Variants in MAF observed in about 807,000 individuals in gnomAD.
MAF encodes transcription factor Maf.
MAF carries 10 observed loss-of-function variants against 22.0 expected under a neutral mutation model. The observed-to-expected ratio is 0.45, with a 90% CI of 0.28 to 0.77. The LOEUF (loss-of-function observed/expected upper bound fraction) is 0.77, where lower values mean the gene tolerates loss of function less well. Among genes scored for constraint, MAF ranks in the 30% least tolerant of loss-of-function variants. The pLI, the probability that MAF is intolerant of heterozygous loss-of-function variation, is 0.12. For synonymous variants in MAF, 337 were observed against 255.8 expected, an observed-to-expected ratio of 1.32 and a Z score of -3.03; for missense variants, 544 against 548.4, an observed-to-expected ratio of 0.99 and a Z score of 0.08.
At chr16:79,433,571 A>G in the MAF span, among the ~76,000 whole-genome samples, 1 of 152,012 alleles carries the variant, frequency 6.6e-6, no homozygotes, top group East Asian at 1.9e-4. Context: ...GAAGAACTAG[A>G]TGTAAGTCCC....
the MAF span, among the ~76,000 whole-genome samples, chr16:79,561,659 T>C: frequency 0.18 from 27,782 of 152,040 alleles, 2,722 homozygotes; most frequent in Middle Eastern, 0.24. Flanking sequence ...ACTGGAACCT[T>C]CAGGAAAGGG....
chr16:79,453,900 T>A, the MAF span, among the ~76,000 whole-genome samples: 3 of 152,264 alleles, frequency 2.0e-5, no homozygotes, highest in African/African-American at 7.2e-5. Flanking sequence ...ACACACTGAA[T>A]CCAGAGTGAA....
At chr16:79,204,636 A>G in the MAF span, 1 of 152,220 alleles carries the variant, frequency 6.6e-6, no homozygotes, top group Non-Finnish European at 1.5e-5. Flanking sequence ...CAGTTTGTCG[A>G]CTTGGAAACA....
chr16:79,523,165 A>G, the MAF span, among the ~76,000 whole-genome samples: 3 of 152,224 alleles, frequency 2.0e-5, no homozygotes, highest in African/African-American at 7.2e-5. Context: ...TTATGATATG[A>G]GAACATAAGA....
chr16:79,410,818 G>A, the MAF span, among the ~76,000 whole-genome samples: 1 of 152,222 alleles, frequency 6.6e-6, no homozygotes, highest in East Asian at 1.9e-4. Context: ...CAGATGACTT[G>A]TAGGGGCTGG....
chr16:79,283,647 G>T, the MAF span, among the ~76,000 whole-genome samples: 2 of 152,186 alleles, frequency 1.3e-5, no homozygotes, highest in East Asian at 3.8e-4. Context: ...TCTGAAAATT[G>T]TCCAAATATG....
chr16:79,443,111 G>T, the MAF span, among the ~76,000 whole-genome samples: 1 of 152,152 alleles, frequency 6.6e-6, no homozygotes, highest in African/African-American at 2.4e-5. Flanking sequence ...TTCAAATAAA[G>T]ATAATTCTAA....
At chr16:79,282,261 G>C in the MAF span, among the ~76,000 whole-genome samples, 1 of 152,198 alleles carries the variant, frequency 6.6e-6, no homozygotes, top group South Asian at 2.1e-4. Flanking sequence ...GTGGTATTTT[G>C]TAAATATCCA....
the MAF span, among the ~76,000 whole-genome samples, chr16:79,405,001 C>G: frequency 6.6e-6 from 1 of 152,318 alleles, no homozygotes; most frequent in East Asian, 1.9e-4. Flanking sequence ...ACACAGGTGT[C>G]ACTGTGTCAC....
At chr16:79,453,043 G>A in the MAF span, among the ~76,000 whole-genome samples, 1 of 152,126 alleles carries the variant, frequency 6.6e-6, no homozygotes, top group Non-Finnish European at 1.5e-5. Flanking sequence ...AGATGGCTTT[G>A]GGATGGAAAA....
At chr16:79,455,469 G>A in the MAF span, among the ~76,000 whole-genome samples, 62 of 152,056 alleles carry the variant, frequency 4.1e-4, no homozygotes, top group Admixed American at 9.8e-4. Context: ...ACATTATCTC[G>A]GGTTTGGAGA....
At chr16:79,597,810 T>G in intron 1 of MAF, 1 of 1,021,124 alleles carries the variant, frequency 9.8e-7, no homozygotes, top group Non-Finnish European at 1.2e-6. Flanking sequence ...CTTTTTTTTT[T>G]TATTAATATA....
the MAF span, among the ~76,000 whole-genome samples, chr16:79,480,917 G>A: frequency 2.0e-5 from 3 of 152,186 alleles, no homozygotes; most frequent in African/African-American, 7.2e-5. Context: ...ATGAGGAGAT[G>A]GGTGGGCAGT....
the MAF span, among the ~76,000 whole-genome samples, chr16:79,348,614 G>A: frequency 3.3e-5 from 5 of 152,188 alleles, no homozygotes; most frequent in East Asian, 1.9e-4. Context: ...CAAAGTGTCC[G>A]TATCATCATA....
At chr16:79,260,015 C>A in the MAF span, among the ~76,000 whole-genome samples, 1 of 152,092 alleles carries the variant, frequency 6.6e-6, no homozygotes, top group Admixed American at 6.5e-5. Context: ...TGCAGTGAGC[C>A]CCAGCTAAGA....
the MAF span, among the ~76,000 whole-genome samples, chr16:79,302,923 C>T: frequency 1.3e-5 from 2 of 152,202 alleles, no homozygotes; most frequent in African/African-American, 2.4e-5. Flanking sequence ...TGGTACCATT[C>T]GGCACTGTCA....
chr16:79,524,757 C>T, the MAF span, among the ~76,000 whole-genome samples: 1 of 152,144 alleles, frequency 6.6e-6, no homozygotes, highest in Non-Finnish European at 1.5e-5. Flanking sequence ...TACTTTCTTT[C>T]CCCAAAATTC....
the MAF span, among the ~76,000 whole-genome samples, chr16:79,375,754 T>A: frequency 2.0e-5 from 3 of 152,106 alleles, no homozygotes; most frequent in East Asian, 3.9e-4. Context: ...CTGCTGTAGT[T>A]TACACCCAAT....
the MAF span, among the ~76,000 whole-genome samples, chr16:79,528,277 A>C: frequency 7.1e-4 from 108 of 152,224 alleles, 2 homozygotes; most frequent in Admixed American, 4.8e-3. Flanking sequence ...GTCCCCTCTC[A>C]TGGCAGTCCC....
Sources: allele counts gnomAD v4.1 joint callset (sites outside exome capture counted in the v4.1 genomes callset), GRCh38; gene constraint gnomAD v4.1.1; transcripts MANE v1.5; gene names NCBI Gene and HGNC (gene_info 2026-07-23, HGNC 2026-07-21).